Variants in ZBTB20 observed in about 807,000 individuals in gnomAD.
ZBTB20 encodes the protein zinc finger and BTB domain-containing protein 20.
In ZBTB20, 9 loss-of-function variants were observed where a neutral mutation model predicts 56.9. The observed-to-expected ratio is 0.16, with a 90% CI of 0.10 to 0.28. The LOEUF (loss-of-function observed/expected upper bound fraction) is 0.28, where lower values mean the gene tolerates loss of function less well. Ranked by LOEUF, ZBTB20 falls within the 10% of genes least tolerant of loss-of-function variation. The pLI is 1.00. For missense variants in ZBTB20, 655 were observed against 1,003.0 expected (o/e 0.65, Z 4.69); for synonymous variants, 417 against 420.7 (o/e 0.99, Z 0.11).
chr3:114,355,294 C>T (rs1057176251), intron 10 of ZBTB20, among the ~76,000 whole-genome samples: 3 of 152,038 alleles, frequency 2.0e-5, no homozygotes, highest in Non-Finnish European at 4.4e-5. Flanking sequence ...ATAATATTGC[C>T]ACCAACTTCA....
In ZBTB20 at chr3:114,324,366, T is replaced by G. The variant is rs193040310; in HGVS notation, c.*14639A>C. 4 of 152,324 alleles carry G rather than the reference T, an allele frequency of 2.6e-5. No individual in the cohort carries two copies. In the East Asian group the frequency reaches 7.7e-4, roughly 29 times the overall value. The allele number at this position is 152,324 out of a possible 1,614,324, so 9.4% of individuals were successfully genotyped here. On this transcript the variant is annotated 3_prime_UTR_variant, in exon 12 of 12. Transcript: ENST00000675478. ...ATTTAACAGTGCTGGGCTTTTATTT[T>G]TGAATAGTGCAATCAGCTATTCCTC...
chr3:115,103,517 A>G (rs2083640349), intron 1 of ZBTB20, among the ~76,000 whole-genome samples: 2 of 152,222 alleles, frequency 1.3e-5, no homozygotes, highest in South Asian at 4.1e-4. Context: ...AGATCAGTGC[A>G]ACAAAATAGA....
At chr3:115,084,894 CAGATCTA>C (rs1047141828) in intron 1 of ZBTB20, among the ~76,000 whole-genome samples, 15 of 151,910 alleles carry the variant, frequency 9.9e-5, no homozygotes, top group Admixed American at 8.6e-4. Flanking sequence ...CATTCTGAAC[CAGATCTA>C]AGAATCATGG....
chr3:115,009,001 G>A (rs1461158764), intron 2 of ZBTB20, among the ~76,000 whole-genome samples: 1 of 151,854 alleles, frequency 6.6e-6, no homozygotes, highest in African/African-American at 2.4e-5. Flanking sequence ...AACTTAGTAT[G>A]TGTGTATGTA....
chr3:115,144,043 A>G (rs2084896289), intron 1 of ZBTB20, among the ~76,000 whole-genome samples: 1 of 152,208 alleles, frequency 6.6e-6, no homozygotes, highest in South Asian at 2.1e-4. Flanking sequence ...GTTCATTATT[A>G]CACTCCAAGT....
intron 2 of ZBTB20, among the ~76,000 whole-genome samples, chr3:115,031,127 C>T (rs765878689): frequency 4.0e-5 from 6 of 151,360 alleles, no homozygotes; most frequent in African/African-American, 9.7e-5. Context: ...AAAATATTTG[C>T]GTTTGCTGAG....
At chr3:114,510,905 G>C in intron 6 of ZBTB20, among the ~76,000 whole-genome samples, 1 of 151,922 alleles carries the variant, frequency 6.6e-6, no homozygotes, top group East Asian at 1.9e-4. Flanking sequence ...TTTTCCATTT[G>C]AAGGAACAGA....
intron 5 of ZBTB20, among the ~76,000 whole-genome samples, chr3:114,773,755 T>A (rs1345908422): frequency 1.3e-5 from 2 of 152,116 alleles, no homozygotes; most frequent in African/African-American, 4.8e-5. Context: ...AGAAAGAAAG[T>A]CCAGGCAAAT....
intron 4 of ZBTB20, among the ~76,000 whole-genome samples, chr3:114,854,481 A>C (rs908328838): frequency 6.6e-6 from 1 of 152,118 alleles, no homozygotes; most frequent in Non-Finnish European, 1.5e-5. Flanking sequence ...CCTCTTCTCC[A>C]GTACATTTGT....
chr3:114,801,687 T>C (rs1445100865), intron 4 of ZBTB20, among the ~76,000 whole-genome samples: 2 of 151,878 alleles, frequency 1.3e-5, no homozygotes, highest in African/African-American at 2.4e-5. Flanking sequence ...GTGAGGTAGA[T>C]GGTGAAGAAG....
chr3:114,659,432 T>A (rs958740260), intron 6 of ZBTB20, among the ~76,000 whole-genome samples: 8 of 152,228 alleles, frequency 5.3e-5, no homozygotes, highest in African/African-American at 1.4e-4. Context: ...TTCCGCCCTC[T>A]GACAGACCAG....
chr3:114,396,622 T>A (rs1879490), intron 7 of ZBTB20, among the ~76,000 whole-genome samples: 66,208 of 151,936 alleles, frequency 0.44, 15,148 homozygotes, highest in East Asian at 0.58. Context: ...TCTAACCACA[T>A]GTTCTAGAGC....
chr3:114,471,288 G>A (rs556478410), intron 7 of ZBTB20, among the ~76,000 whole-genome samples: 2 of 152,124 alleles, frequency 1.3e-5, no homozygotes, highest in Non-Finnish European at 2.9e-5. Flanking sequence ...CCCATTTTGC[G>A]TGTGAGAAAA....
At chr3:115,069,266 T>C (rs77254435) in intron 2 of ZBTB20, among the ~76,000 whole-genome samples, 4,733 of 152,270 alleles carry the variant, frequency 0.031, 89 homozygotes, top group African/African-American at 0.041. Context: ...TATTCTAGCT[T>C]AGCTAACAGT....
At chr3:114,823,260 T>C (rs1275156200) in intron 4 of ZBTB20, among the ~76,000 whole-genome samples, 4 of 152,098 alleles carry the variant, frequency 2.6e-5, no homozygotes, top group Admixed American at 6.6e-5. Flanking sequence ...AGGGAGGGCA[T>C]CCAGCTGGCA....
chr3:114,431,230 A>C (rs903276811), intron 7 of ZBTB20, among the ~76,000 whole-genome samples: 11 of 152,168 alleles, frequency 7.2e-5, no homozygotes, highest in African/African-American at 2.4e-4. Context: ...AAACGATGAA[A>C]AGGGTGAGCC....
chr3:114,971,992 T>C (rs1437424990), intron 3 of ZBTB20, among the ~76,000 whole-genome samples: 1 of 151,006 alleles, frequency 6.6e-6, no homozygotes, highest in Non-Finnish European at 1.5e-5. Flanking sequence ...AAATTTTAAA[T>C]ATTACTGGAA....
At position 114,380,921 on chromosome 3, in the gene ZBTB20, C is replaced by T. The variant is rs2084251545; in HGVS notation, c.-134G>A. ...GCCTTGGGCACCTCACTTCACCTCT[C>T]TGGGCTTCAGTTTCCTCATCTGTAA... On this transcript the variant is annotated 5_prime_UTR_variant, in exon 9 of 12. Transcript: ENST00000675478. The T allele has an allele frequency of 4.7e-6, 3 of 643,376 alleles. No homozygotes were observed. The highest frequency in any genetic ancestry group is 7.0e-6 in the Non-Finnish European group (3 of 429,058). 39.9% of individuals were successfully genotyped at this position (643,376 alleles called of 1,614,324 possible).
At chr3:115,029,058 TATACACACACAC>T (rs529782646) in intron 2 of ZBTB20, among the ~76,000 whole-genome samples, 401 of 149,784 alleles carry the variant, frequency 2.7e-3, no homozygotes, top group African/African-American at 9.3e-3. Context: ...GCTTGTTTAC[TATACACACACAC>T]ATACACACAC....
Sources: gnomAD v4.1 joint callset for allele counts (sites outside exome capture counted in the v4.1 genomes callset) on GRCh38, gnomAD v4.1.1 for gene constraint, MANE v1.5 for transcripts, NCBI Gene and HGNC (gene_info 2026-07-23, HGNC 2026-07-21) for gene names.